UNC79: variants seen among roughly 807,000 people sequenced by gnomAD.
UNC79 encodes the protein unc-79 subunit of NALCN channel complex, also known as protein unc-79 homolog.
In UNC79, 37 loss-of-function variants were observed where a neutral mutation model predicts 283.1. The ratio of observed to expected loss-of-function variants is 0.13; its 90% CI spans 0.10 to 0.17. UNC79 has a LOEUF of 0.17. Ranked by LOEUF, UNC79 falls within the 10% of genes least tolerant of loss-of-function variation. The pLI is 1.00. For missense variants in UNC79, 2,272 were observed against 3,211.1 expected, an observed-to-expected ratio of 0.71 and a Z score of 7.07; for synonymous variants, 1,107 against 1,200.2, an observed-to-expected ratio of 0.92 and a Z score of 1.61.
intron 31 of UNC79, among the ~76,000 whole-genome samples, chr14:93,634,036 G>T (rs1225608089): frequency 6.6e-6 from 1 of 152,032 alleles, no homozygotes; most frequent in Non-Finnish European, 1.5e-5. Context: ...AAAAATTGGG[G>T]TTGATATGTG....
At chr14:93,484,829 G>T (rs936241422) in intron 4 of UNC79, among the ~76,000 whole-genome samples, 4 of 152,130 alleles carry the variant, frequency 2.6e-5, no homozygotes, top group African/African-American at 9.7e-5. Flanking sequence ...AAATTGTAAG[G>T]CACCGTCTGT....
At chr14:93,513,556 C>G (rs2059926894) in intron 7 of UNC79, among the ~76,000 whole-genome samples, 1 of 152,034 alleles carries the variant, frequency 6.6e-6, no homozygotes, top group Non-Finnish European at 1.5e-5. Context: ...GTATCCCATA[C>G]ATTTTTGTTA....
chr14:93,558,285 G>A (rs2062300896), intron 14 of UNC79, among the ~76,000 whole-genome samples: 2 of 152,292 alleles, frequency 1.3e-5, no homozygotes, highest in African/African-American at 2.4e-5. Context: ...GGCTGGGCGC[G>A]GTGGCTCACG....
At chr14:93,492,367 T>C (rs2058769982) in intron 5 of UNC79, among the ~76,000 whole-genome samples, 1 of 152,148 alleles carries the variant, frequency 6.6e-6, no homozygotes. Flanking sequence ...TTTTGTTTTG[T>C]TTTATTTTTC....
chr14:93,385,935 T>A (rs1411688980), intron 1 of UNC79, among the ~76,000 whole-genome samples: 1 of 152,240 alleles, frequency 6.6e-6, no homozygotes, highest in Admixed American at 6.5e-5. Flanking sequence ...TGATTTGACC[T>A]CTTCCTTTCC....
At chr14:93,580,506 G>T (rs2141737523) in intron 19 of UNC79, 130 bp downstream of exon 19, 3 of 963,368 alleles carry the variant, frequency 3.1e-6, no homozygotes, top group African/African-American at 3.3e-5. Flanking sequence ...TGTGTTAAAA[G>T]AAACTTTTCC....
chr14:93,642,909 C>A (rs541027316), intron 33 of UNC79, among the ~76,000 whole-genome samples: 1 of 152,158 alleles, frequency 6.6e-6, no homozygotes, highest in Non-Finnish European at 1.5e-5. Context: ...ATGAAATGGA[C>A]CCTACATTAG....
At chr14:93,511,516 C>G (rs564909687) in intron 7 of UNC79, among the ~76,000 whole-genome samples, 1 of 152,002 alleles carries the variant, frequency 6.6e-6, no homozygotes, top group Non-Finnish European at 1.5e-5. Flanking sequence ...GGTGCGATCT[C>G]GGCTCACTGC....
intron 39 of UNC79, among the ~76,000 whole-genome samples, chr14:93,660,809 C>A (rs566246241): frequency 1.9e-4 from 29 of 151,834 alleles, no homozygotes; most frequent in Admixed American, 2.0e-4. Flanking sequence ...AGGCTGGTCT[C>A]GAACTCCTGA....
chr14:93,669,239 G>A (rs1307722089), intron 40 of UNC79, among the ~76,000 whole-genome samples: 1 of 151,972 alleles, frequency 6.6e-6, no homozygotes, highest in Non-Finnish European at 1.5e-5. Flanking sequence ...AACTTAAAAA[G>A]TAAAAAGAAA....
chr14:93,557,265 G>T (rs1170058066), intron 14 of UNC79, among the ~76,000 whole-genome samples: 1 of 152,126 alleles, frequency 6.6e-6, no homozygotes, highest in Non-Finnish European at 1.5e-5. Context: ...ATTTTGTTAT[G>T]GGTATTGGGA....
chr14:93,471,342 A>G (rs927713099), intron 2 of UNC79, among the ~76,000 whole-genome samples: 3 of 152,168 alleles, frequency 2.0e-5, no homozygotes, highest in Admixed American at 6.5e-5. Flanking sequence ...GCAACTTCTC[A>G]TCTTTCCTCA....
chr14:93,405,206 C>G (rs1471016111), intron 1 of UNC79, among the ~76,000 whole-genome samples: 1 of 151,456 alleles, frequency 6.6e-6, no homozygotes, highest in Admixed American at 6.6e-5. Context: ...TCGCTTGAAC[C>G]TGGGAGGCGG....
At chr14:93,532,602 T>C (rs756091614) in intron 11 of UNC79, 24 bp downstream of exon 11, 3 of 1,609,772 alleles carry the variant, frequency 1.9e-6, no homozygotes, top group Non-Finnish European at 1.7e-6. Flanking sequence ...ATTTGTGTCG[T>C]TGGGGCATGA....
At chr14:93,574,920 CTG>C (rs2063391011) in intron 16 of UNC79, 136 bp from the exon 17 acceptor site, 1 of 905,454 alleles carries the variant, frequency 1.1e-6, no homozygotes, top group Non-Finnish European at 1.6e-6. Context: ...TGGAGGATGA[CTG>C]TGTTGATAGA....
intron 8 of UNC79, 102 bp downstream of exon 8, chr14:93,524,144 C>T (rs2060443516): frequency 7.7e-7 from 1 of 1,291,522 alleles, no homozygotes; most frequent in South Asian, 1.3e-5. Flanking sequence ...AGAGGCATGT[C>T]CTCTGTAGTA....
At chr14:93,347,331 C>T (rs1157377527) in intron 1 of UNC79, 1 of 1,598,090 alleles carries the variant, frequency 6.3e-7, no homozygotes, top group Non-Finnish European at 8.5e-7. Flanking sequence ...CCCTGCTCGG[C>T]CTGCAGCCCG....
intron 5 of UNC79, 72 bp downstream of exon 5, chr14:93,487,827 A>T: frequency 7.0e-7 from 1 of 1,427,062 alleles, no homozygotes; most frequent in Non-Finnish European, 9.7e-7. Context: ...CAAGCAGGCT[A>T]GATGTTCTCA....
At chr14:93,455,118 G>A (rs1165939045) in intron 1 of UNC79, among the ~76,000 whole-genome samples, 1 of 152,200 alleles carries the variant, frequency 6.6e-6, no homozygotes, top group Non-Finnish European at 1.5e-5. Flanking sequence ...CAAATATTTG[G>A]AAGAGCTTAA....
Sources: allele counts gnomAD v4.1 joint callset (sites outside exome capture counted in the v4.1 genomes callset), GRCh38; gene constraint gnomAD v4.1.1; transcripts MANE v1.5; gene names NCBI Gene and HGNC (gene_info 2026-07-23, HGNC 2026-07-21).